Variants in DTNB observed in about 807,000 individuals in gnomAD.
DTNB encodes DTN-B.
Under a neutral mutation model 90.7 loss-of-function variants are expected in DTNB, and 63 were observed. That is an observed-to-expected ratio of 0.69 (90% CI 0.57 to 0.86). DTNB has a LOEUF of 0.86. DTNB is among the 40% of genes least tolerant of loss of function. The probability of loss-of-function intolerance (pLI) is 0.00; values close to 1 mark genes in which losing one functional copy is unlikely to be tolerated. For synonymous variants in DTNB, 277 were observed against 286.7 expected (o/e 0.97, Z 0.34); for missense variants, 744 against 807.1 (o/e 0.92, Z 0.95).
rs140160649 is a variant in DTNB, at chr2:25,558,747, G to A, written c.876+18091C>T. Among the ~76,000 whole-genome samples the A allele has an allele frequency of 5.0e-4, 76 of 152,210 alleles. 1 individual carries two copies. The East Asian group carries it at 0.013, about 26-fold the overall frequency. On this transcript the variant is annotated intron_variant, in intron 8 of 20. Coordinates refer to ENST00000406818, the MANE Select transcript of DTNB (RefSeq NM_021907.5). ...GCATGCAAACAACACAGTAGAATTGGGCAACGTTCAGATGATTGAAAGGAG... is the reference window on the plus strand; with the variant it reads ...GCATGCAAACAACACAGTAGAATTGAGCAACGTTCAGATGATTGAAAGGAG...
At chr2:25,667,487 T>A (rs2084742011) in intron 1 of DTNB, among the ~76,000 whole-genome samples, 1 of 151,302 alleles carries the variant, frequency 6.6e-6, no homozygotes, top group Admixed American at 6.6e-5. Flanking sequence ...AGAGCCAGAC[T>A]CCATCTCAAA....
chr2:25,627,768 G>A (rs903805880), intron 4 of DTNB, among the ~76,000 whole-genome samples: 9 of 141,026 alleles, frequency 6.4e-5, no homozygotes, highest in Admixed American at 1.5e-4. Context: ...ACAATGTCTC[G>A]CTCTGTCGCC....
chr2:25,620,026 T>TG (rs1367446225), intron 4 of DTNB, among the ~76,000 whole-genome samples: 4 of 151,314 alleles, frequency 2.6e-5, no homozygotes, highest in Non-Finnish European at 5.9e-5. Flanking sequence ...GGCGACAGAG[T>TG]GAGACTCTGT....
At chr2:25,625,655 T>A (rs1331268294) in intron 4 of DTNB, among the ~76,000 whole-genome samples, 1 of 151,416 alleles carries the variant, frequency 6.6e-6, no homozygotes, top group Non-Finnish European at 1.5e-5. Flanking sequence ...TCTCTGTATG[T>A]GTCTAGCTTT....
intron 8 of DTNB, among the ~76,000 whole-genome samples, chr2:25,554,393 TTTA>T (rs556279327): frequency 5.7e-4 from 86 of 152,088 alleles, no homozygotes; most frequent in African/African-American, 1.9e-3. Flanking sequence ...TTTCAAAAAA[TTTA>T]TTGAGAATTT....
chr2:25,414,637 T>C (rs953103891), intron 16 of DTNB, among the ~76,000 whole-genome samples: 32 of 152,214 alleles, frequency 2.1e-4, no homozygotes, highest in African/African-American at 7.5e-4. Flanking sequence ...ATCACTGCTA[T>C]AGGTACGTCA....
At chr2:25,439,953 C>G (rs2056989569) in intron 12 of DTNB, among the ~76,000 whole-genome samples, 1 of 152,168 alleles carries the variant, frequency 6.6e-6, no homozygotes. Context: ...AAAGCTTACT[C>G]ATAAGGAGGA....
At chr2:25,521,316 A>G (rs1045515291) in intron 9 of DTNB, among the ~76,000 whole-genome samples, 1 of 152,088 alleles carries the variant, frequency 6.6e-6, no homozygotes, top group African/African-American at 2.4e-5. Flanking sequence ...TAATGACTCA[A>G]TTCTGCCACT....
chr2:25,464,516 G>T (rs944728877), intron 10 of DTNB, among the ~76,000 whole-genome samples: 1 of 152,152 alleles, frequency 6.6e-6, no homozygotes, highest in African/African-American at 2.4e-5. Flanking sequence ...ATAAATAAAT[G>T]ATTAAATCAA....
chr2:25,618,290 A>T (rs2071378844), intron 4 of DTNB, among the ~76,000 whole-genome samples: 1 of 152,182 alleles, frequency 6.6e-6, no homozygotes, highest in Non-Finnish European at 1.5e-5. Context: ...CAGCACCCTG[A>T]TACCGCCCGA....
intron 8 of DTNB, among the ~76,000 whole-genome samples, chr2:25,551,980 T>A (rs2056370096): frequency 6.6e-6 from 1 of 152,250 alleles, no homozygotes; most frequent in African/African-American, 2.4e-5. Context: ...AATTTCTTAT[T>A]TTAACAATCA....
chr2:25,587,944 TTAAC>T (rs935579018), intron 6 of DTNB, among the ~76,000 whole-genome samples: 1 of 152,214 alleles, frequency 6.6e-6, no homozygotes, highest in Non-Finnish European at 1.5e-5. Context: ...CTCAGCCAAT[TTAAC>T]TAACTCAATG....
intron 3 of DTNB, among the ~76,000 whole-genome samples, chr2:25,628,684 A>C (rs1280926921): frequency 6.6e-6 from 1 of 152,198 alleles, no homozygotes; most frequent in Non-Finnish European, 1.5e-5. Context: ...TAAAAAGATC[A>C]AGAACTACTC....
intron 8 of DTNB, among the ~76,000 whole-genome samples, chr2:25,552,194 G>C (rs114672837): frequency 0.012 from 1,808 of 152,242 alleles, 40 homozygotes; most frequent in African/African-American, 0.041. Flanking sequence ...TTTTAACTAA[G>C]TGCTCAGTTT....
intron 8 of DTNB, among the ~76,000 whole-genome samples, chr2:25,564,338 C>T (rs549279301): frequency 4.6e-5 from 7 of 152,138 alleles, no homozygotes; most frequent in African/African-American, 1.7e-4. Context: ...AGTCTTCTAA[C>T]CCATGAACAC....
At chr2:25,597,426 G>A (rs1012057917) in intron 5 of DTNB, among the ~76,000 whole-genome samples, 3 of 152,082 alleles carry the variant, frequency 2.0e-5, no homozygotes, top group Admixed American at 6.5e-5. Flanking sequence ...ACAGACATAT[G>A]TAATATACAT....
intron 9 of DTNB, among the ~76,000 whole-genome samples, chr2:25,526,024 C>G (rs2077025137): frequency 6.6e-6 from 1 of 152,110 alleles, no homozygotes; most frequent in Non-Finnish European, 1.5e-5. Flanking sequence ...AGGTTACTCT[C>G]AAGTCAAACT....
chr2:25,412,804 T>C (rs1009760929), intron 16 of DTNB, among the ~76,000 whole-genome samples: 1 of 152,216 alleles, frequency 6.6e-6, no homozygotes, highest in African/African-American at 2.4e-5. Flanking sequence ...AAAATGTTCC[T>C]AGATGAACTT....
chr2:25,652,845 G>T, intron 1 of DTNB, 184 bp from the exon 2 acceptor site: 2 of 513,852 alleles, frequency 3.9e-6, no homozygotes, highest in South Asian at 3.3e-5. Flanking sequence ...TTATTTGATA[G>T]CTTCTAAAAT....
Sources: gnomAD v4.1 joint callset for allele counts (sites outside exome capture counted in the v4.1 genomes callset) on GRCh38, gnomAD v4.1.1 for gene constraint, MANE v1.5 for transcripts, NCBI Gene and HGNC (gene_info 2026-07-23, HGNC 2026-07-21) for gene names.